The following HS3ST5 variants were observed in gnomAD, a reference collection of about 807,000 sequenced individuals.
The protein encoded by HS3ST5 is heparan sulfate-glucosamine 3-sulfotransferase 5.
In HS3ST5, 10 loss-of-function variants were observed where a neutral mutation model predicts 25.4. That is an observed-to-expected ratio of 0.39 (90% confidence interval 0.24 to 0.67). The LOEUF (loss-of-function observed/expected upper bound fraction) is 0.67. Ranked by LOEUF, HS3ST5 falls within the 30% of genes least tolerant of loss-of-function variation. The pLI, the probability that HS3ST5 is intolerant of heterozygous loss-of-function variation, is 0.44. For synonymous variants in HS3ST5, 170 were observed against 162.4 expected (o/e 1.05, Z -0.36); for missense variants, 324 against 420.7 (o/e 0.77, Z 2.01).
intron 3 of HS3ST5, among the ~76,000 whole-genome samples, chr6:114,155,259 C>T (rs1473656577): frequency 3.3e-5 from 5 of 152,102 alleles, no homozygotes; most frequent in Non-Finnish European, 7.4e-5. Flanking sequence ...TATTCATCCC[C>T]ATGCCAGTTT....
intron 3 of HS3ST5, among the ~76,000 whole-genome samples, chr6:114,162,132 G>T (rs1779004191): frequency 6.6e-6 from 1 of 151,940 alleles, no homozygotes; most frequent in African/African-American, 2.4e-5. Flanking sequence ...TTTTATAATA[G>T]AATTTATTAT....
At chr6:114,203,997 C>T (rs1229685759) in intron 2 of HS3ST5, among the ~76,000 whole-genome samples, 1 of 152,120 alleles carries the variant, frequency 6.6e-6, no homozygotes, top group Non-Finnish European at 1.5e-5. Context: ...GATTCCCTAC[C>T]CTCCAACAGG....
intron 3 of HS3ST5, among the ~76,000 whole-genome samples, chr6:114,128,784 T>TTA (rs1777178139): frequency 6.6e-6 from 1 of 152,176 alleles, no homozygotes; most frequent in Admixed American, 6.5e-5. Flanking sequence ...AGCAATGAGC[T>TTA]CCAGTCCAGT....
At position 114,056,835 on chromosome 6, in the gene HS3ST5, T is replaced by A. The variant is rs1205080405; in HGVS notation, c.*422A>T. The A allele has an allele frequency of 6.4e-6, 1 of 156,678 alleles. No homozygotes were observed. Among genetic ancestry groups the A allele is most frequent in the Non-Finnish European group, 1.4e-5 (1 of 71,280 alleles). The allele number at this position is 156,678 out of a possible 1,614,324, so 9.7% of individuals were successfully genotyped here. On this transcript the variant is annotated 3_prime_UTR_variant, in exon 5 of 5. Transcript: ENST00000312719. ...TCAGCATCTGAATTAAAGAGCCAGC[T>A]TTCCCTTAGGAAAAAAAAAATGCAT...
At chr6:114,097,360 T>C (rs1273265652) in intron 3 of HS3ST5, among the ~76,000 whole-genome samples, 3 of 152,016 alleles carry the variant, frequency 2.0e-5, no homozygotes, top group Admixed American at 6.6e-5. Context: ...TTTACTGTTC[T>C]AAGATATGCA....
At chr6:114,249,357 A>G (rs1232074081) in intron 1 of HS3ST5, among the ~76,000 whole-genome samples, 1 of 152,226 alleles carries the variant, frequency 6.6e-6, no homozygotes, top group Admixed American at 6.5e-5. Flanking sequence ...TCAATCATGC[A>G]TTTAAAGTTA....
intron 3 of HS3ST5, among the ~76,000 whole-genome samples, chr6:114,112,900 C>T (rs1776335342): frequency 1.3e-5 from 2 of 152,112 alleles, no homozygotes; most frequent in Admixed American, 6.6e-5. Context: ...TTCTGTCTTC[C>T]ACATGTTATA....
intron 1 of HS3ST5, among the ~76,000 whole-genome samples, chr6:114,235,338 A>G (rs1771804277): frequency 6.6e-6 from 1 of 152,158 alleles, no homozygotes; most frequent in African/African-American, 2.4e-5. Context: ...AATTTAAAAA[A>G]TTTCCCAAGG....
In HS3ST5 at chr6:114,342,902, C is replaced by A. The variant is rs961042667; in HGVS notation, c.-1046G>T. The A allele has an allele frequency of 6.6e-6, 1 of 152,628 alleles. No homozygotes were observed. The highest frequency in any genetic ancestry group is 1.5e-5 in the Non-Finnish European group (1 of 68,412). The allele number at this position is 152,628 out of a possible 1,614,324, so 9.5% of individuals were successfully genotyped here. A position where few individuals can be genotyped will look rare whatever the true frequency, so the allele number is the denominator to read the frequency against. On this transcript the variant is annotated 5_prime_UTR_variant, in exon 1 of 5. Transcript: ENST00000312719. ...CGCCCGGCCCCCAGAGCGCCCGAGCCGGCAGCTGCCTCCCGGAGACGTGCC... is the reference window on the plus strand; with the variant it reads ...CGCCCGGCCCCCAGAGCGCCCGAGCAGGCAGCTGCCTCCCGGAGACGTGCC...
chr6:114,156,970 A>T (rs1157735768), intron 3 of HS3ST5, among the ~76,000 whole-genome samples: 1 of 152,092 alleles, frequency 6.6e-6, no homozygotes, highest in African/African-American at 2.4e-5. Flanking sequence ...TCTTCATAAA[A>T]GGTTTCTCAC....
At chr6:114,215,413 T>C (rs1249921124) in intron 2 of HS3ST5, among the ~76,000 whole-genome samples, 2 of 152,116 alleles carry the variant, frequency 1.3e-5, no homozygotes, top group Admixed American at 6.5e-5. Flanking sequence ...TTTCTGGTTC[T>C]CCCTACAAGT....
intron 2 of HS3ST5, among the ~76,000 whole-genome samples, chr6:114,212,809 A>G (rs1391115413): frequency 6.6e-6 from 1 of 151,938 alleles, no homozygotes; most frequent in Non-Finnish European, 1.5e-5. Context: ...CCTTCAAGGG[A>G]CTCGAGAAAG....
At chr6:114,167,177 A>T (rs1779257852) in intron 3 of HS3ST5, among the ~76,000 whole-genome samples, 1 of 152,292 alleles carries the variant, frequency 6.6e-6, no homozygotes, top group South Asian at 2.1e-4. Flanking sequence ...TATTGTTATC[A>T]ATAGCAACTG....
Position 114,253,484 on chromosome 6 carries a change from G to A in HS3ST5, c.-338-24706C>T, listed in dbSNP as rs972879026. Among the ~76,000 whole-genome samples the A allele has an allele frequency of 3.3e-5, 5 of 152,142 alleles. No homozygotes were observed. The South Asian group carries it at 1.0e-3, about 32-fold the overall frequency. ...AAGAATGCAAATACTATCAAACACT[G>A]TAATTTAAATCTGAAGAGCTACCAT... is the stretch of plus-strand genomic sequence containing the variant. On this transcript the variant is annotated intron_variant, in intron 1 of 4. Transcript: ENST00000312719.
chr6:114,341,372 C>G (rs371413960), intron 1 of HS3ST5, among the ~76,000 whole-genome samples: 5 of 151,958 alleles, frequency 3.3e-5, no homozygotes, highest in African/African-American at 1.2e-4. Flanking sequence ...GGAAACCCAC[C>G]AAGGTGAAGT....
chr6:114,280,505 A>T (rs1308122781), intron 1 of HS3ST5, among the ~76,000 whole-genome samples: 1 of 152,034 alleles, frequency 6.6e-6, no homozygotes, highest in African/African-American at 2.4e-5. Flanking sequence ...AGCAGGAGTT[A>T]TTCCAAATCC....
At chr6:114,127,484 A>AG (rs1241249393) in intron 3 of HS3ST5, among the ~76,000 whole-genome samples, 11 of 152,198 alleles carry the variant, frequency 7.2e-5, no homozygotes, top group African/African-American at 2.7e-4. Flanking sequence ...CTGGTCAAGA[A>AG]TCAACCAGAG....
At chr6:114,329,394 G>C (rs1227570601) in intron 1 of HS3ST5, among the ~76,000 whole-genome samples, 1 of 152,172 alleles carries the variant, frequency 6.6e-6, no homozygotes, top group East Asian at 1.9e-4. Flanking sequence ...GCCTACATCT[G>C]CATGACTAAA....
intron 1 of HS3ST5, among the ~76,000 whole-genome samples, chr6:114,292,057 A>G (rs1325491183): frequency 6.6e-6 from 1 of 152,030 alleles, no homozygotes; most frequent in Admixed American, 6.6e-5. Context: ...TTTAAAATAA[A>G]AAATGAAATA....
Sources: gnomAD v4.1 joint callset for allele counts (sites outside exome capture counted in the v4.1 genomes callset) on GRCh38, gnomAD v4.1.1 for gene constraint, MANE v1.5 for transcripts, NCBI Gene and HGNC (gene_info 2026-07-23, HGNC 2026-07-21) for gene names.